LXN: variants seen among roughly 807,000 people sequenced by gnomAD.
LXN encodes the protein latexin, also known as MUM.
Under a neutral mutation model 29.8 loss-of-function variants are expected in LXN, and 28 were observed. That is an observed-to-expected ratio of 0.94 (90% confidence interval 0.70 to 1.29). LXN has a LOEUF of 1.29. Among genes scored for constraint, LXN ranks in the 50% most tolerant of loss-of-function variants. The pLI is 0.00. For synonymous variants in LXN, 77 were observed against 89.6 expected (o/e 0.86, Z 0.80); for missense variants, 227 against 261.7 (o/e 0.87, Z 0.92).
rs139290117 is a variant in LXN, at chr3:158,668,249, C to A, written c.507+747G>T. On this transcript the variant is annotated intron_variant, in intron 4 of 5. Coordinates refer to ENST00000264265, the MANE Select transcript of LXN (RefSeq NM_020169.4). The stretch of plus-strand genomic sequence containing the variant: ...TAACCTATGCATACCTTCTCATATA[C>A]TTTAAATCATCTCTAGATTACTTAT... Among the ~76,000 whole-genome samples the A allele has an allele frequency of 9.4e-3, 1,427 of 152,252 alleles. 13 individuals carry two copies. Among genetic ancestry groups the A allele is most frequent in the Non-Finnish European group, 0.016 (1,084 of 68,020 alleles).
At position 158,672,399 on chromosome 3, in the gene LXN, G is replaced by A. The variant is rs371457216; in HGVS notation, c.80C>T (p.Thr27Ile). The change falls in exon 1 of 6, where the codon ACC (threonine) becomes ATC (isoleucine). Residue 27 changes from threonine (T) to isoleucine (I), a missense_variant. Thr to Ile is a moderately conservative substitution (Grantham distance 89, BLOSUM62 -1). Transcript: ENST00000264265. ...AQNYINYQQG[T>I]PHRVFEVQKV... ...CTGCACCTCAAACACCCTGTGCGGGGTCCCCTGCTGGTAGTTGATGTAGTT... is the reference window on the plus strand; with the variant it reads ...CTGCACCTCAAACACCCTGTGCGGGATCCCCTGCTGGTAGTTGATGTAGTT... 4.0e-5 allele frequency: 64 copies of A among 1,613,964 alleles called. No individual in the cohort carries two copies. The African/African-American group carries it at 6.5e-4, about 16-fold the overall frequency.
chr3:158,668,941 A>G (rs751215871), intron 4 of LXN, 55 bp downstream of exon 4: 38 of 1,441,030 alleles, frequency 2.6e-5, no homozygotes, highest in Non-Finnish European at 7.6e-6. Context: ...ATGAATTACA[A>G]TACTTTCGAT....
chr3:158,670,256 T>G (rs557085710), intron 2 of LXN, among the ~76,000 whole-genome samples: 1 of 152,318 alleles, frequency 6.6e-6, no homozygotes, highest in Non-Finnish European at 1.5e-5. Context: ...CCCTTCCCCA[T>G]TACTGAAAGA....
Position 158,672,409 on chromosome 3 carries a change from G to A in LXN, c.70C>T (p.Gln24Ter). ...AACACCCTGTGCGGGGTCCCCTGCT[G>A]GTAGTTGATGTAGTTCTGTGCCACC... ...ALVAQNYINY[Q>*]QGTPHRVFEV... Residue 24 changes from glutamine (Q) to a stop codon, truncating the protein, a stop_gained, in exon 1 of 6, where the codon CAG becomes TAG. Coordinates refer to ENST00000264265, the MANE Select transcript of LXN (RefSeq NM_020169.4). LOFTEE classifies it high-confidence loss of function. 6.2e-7 allele frequency: 1 copy of A among 1,614,092 alleles called. No homozygotes were observed. Among genetic ancestry groups the A allele is most frequent in the African/African-American group, 1.3e-5 (1 of 75,016 alleles).
rs772926060 is a variant in LXN at position 158,669,488 on chromosome 3, T to C, written c.315A>G (p.Thr105=). The change falls in exon 3 of 6, where the codon ACA becomes ACG. Residue 105 remains threonine, a synonymous_variant. Coordinates refer to ENST00000264265, the MANE Select transcript of LXN (RefSeq NM_020169.4). ...TCATGGACTTAAGTCTTTGATAAAA[T>C]GTGTTGTCTTCTTCATCTGGATTCT... The part of the protein sequence containing the change: ...TGKNPDEEDN[T]FYQRLKSMKE... 6.2e-7 allele frequency: 1 copy of C among 1,613,944 alleles called. No individual in the cohort carries two copies. Among genetic ancestry groups the C allele is most frequent in the Middle Eastern group, 1.7e-4 (1 of 6,058 alleles).
In LXN at chr3:158,672,450, G is replaced by A. The variant is rs145151855; in HGVS notation, c.29C>T (p.Ala10Val). MEIPPTNYP[A>V]SRAALVAQNY... ...CTGTGCCACCAAGGCCGCCCTGGAG[G>A]CTGGGTAGTTGGTCGGCGGGATTTC... Residue 10 changes from alanine (A) to valine (V), a missense_variant, in exon 1 of 6, where the codon GCC (alanine) becomes GTC (valine). Transcript: ENST00000264265. 2.5e-6 allele frequency: 4 copies of A among 1,614,092 alleles called. 1 individual carries two copies. The highest frequency in any genetic ancestry group is 3.4e-6 in the Non-Finnish European group (4 of 1,179,956).
chr3:158,669,485 A>G lies in LXN; in HGVS notation c.318T>C (p.Phe106=). 1 of 1,613,916 alleles carries G rather than the reference A, an allele frequency of 6.2e-7. No individual in the cohort carries two copies. ...CCTTCATGGACTTAAGTCTTTGATAAAATGTGTTGTCTTCTTCATCTGGAT... is the reference window on the plus strand; with the variant it reads ...CCTTCATGGACTTAAGTCTTTGATAGAATGTGTTGTCTTCTTCATCTGGAT... The part of the protein sequence containing the change: ...GKNPDEEDNT[F]YQRLKSMKEP... The change falls in exon 3 of 6, where the codon TTT becomes TTC. Residue 106 remains phenylalanine (F), a synonymous_variant. Transcript: ENST00000264265.
rs1723996578 is a variant in LXN at position 158,669,004 on chromosome 3, T to G, written c.499A>C (p.Lys167Gln). Residue 167 changes from lysine (K) to glutamine (Q), a missense_variant, in exon 4 of 6, where the codon AAG (lysine) becomes CAG (glutamine). Lys to Gln is a moderately conservative substitution (Grantham distance 53, BLOSUM62 1). Transcript: ENST00000264265. The part of the protein sequence containing the change: ...WYKMVKIQTV[K>Q]QVQRNDDFIE... ...TTATAGAAACTACTTACCACTTGCT[T>G]GACAGTTTGAATTTTTACCATTTTA... The G allele has an allele frequency of 4.3e-6, 7 of 1,610,974 alleles. No homozygotes were observed. Among genetic ancestry groups the G allele is most frequent in the Non-Finnish European group, 5.9e-6 (7 of 1,178,676 alleles).
At chr3:158,667,521 C>A (rs531279655) in intron 4 of LXN, among the ~76,000 whole-genome samples, 1 of 152,214 alleles carries the variant, frequency 6.6e-6, no homozygotes, top group African/African-American at 2.4e-5. Context: ...CACAGTGGCT[C>A]ACACCTATAA....
intron 1 of LXN, among the ~76,000 whole-genome samples, chr3:158,671,501 T>G (rs1298078134): frequency 6.6e-6 from 1 of 152,230 alleles, no homozygotes; most frequent in Non-Finnish European, 1.5e-5. Flanking sequence ...ACTTATACAT[T>G]AGTGAAACTG....
rs149695048 is a variant in LXN at position 158,669,002 on chromosome 3, C to T, written c.501G>A (p.Lys167=). 1,184 of 1,610,316 alleles carry T rather than the reference C, an allele frequency of 7.4e-4. 12 individuals carry two copies. In the African/African-American group the frequency reaches 0.012, roughly 17 times the overall value. ...WYKMVKIQTV[K]QVQRNDDFIE... Reference sequence around the variant, plus strand: ...TTTTATAGAAACTACTTACCACTTGCTTGACAGTTTGAATTTTTACCATTT... The same window carrying T: ...TTTTATAGAAACTACTTACCACTTGTTTGACAGTTTGAATTTTTACCATTT... Residue 167 remains lysine, a synonymous_variant, in exon 4 of 6, where the codon AAG becomes AAA. Transcript: ENST00000264265.
In LXN at chr3:158,672,455, G is replaced by T; in HGVS notation, c.24C>A (p.Tyr8Ter). 6.2e-7 allele frequency: 1 copy of T among 1,614,118 alleles called. No individual in the cohort carries two copies. The highest frequency in any genetic ancestry group is 8.5e-7 in the Non-Finnish European group (1 of 1,179,972). The change falls in exon 1 of 6, where the codon TAC (tyrosine) becomes TAA (stop). Residue 8 changes from tyrosine to a stop codon, truncating the protein, a stop_gained. Coordinates refer to ENST00000264265, the MANE Select transcript of LXN (RefSeq NM_020169.4). LOFTEE classifies it high-confidence loss of function. MEIPPTN[Y>*]PASRAALVAQ... ...CCACCAAGGCCGCCCTGGAGGCTGG[G>T]TAGTTGGTCGGCGGGATTTCCATTC...
At chr3:158,669,181 T>G in intron 3 of LXN, 49 bp from the exon 4 acceptor site, 1 of 1,509,014 alleles carries the variant, frequency 6.6e-7, no homozygotes, top group Non-Finnish European at 9.0e-7. Flanking sequence ...GTATTAACCT[T>G]TTAAAACAAA....
intron 1 of LXN, 27 bp downstream of exon 1, chr3:158,672,323 C>T: frequency 1.2e-6 from 2 of 1,611,814 alleles, no homozygotes. Flanking sequence ...GAAGCCTCTG[C>T]TGTCCACCAC....
intron 4 of LXN, 80 bp downstream of exon 4, chr3:158,668,916 A>T: frequency 7.9e-7 from 1 of 1,268,904 alleles, no homozygotes; most frequent in Non-Finnish European, 1.1e-6. Context: ...CTATAGGAAT[A>T]CTGTTAATCC....
intron 2 of LXN, 44 bp downstream of exon 2, chr3:158,670,913 A>T (rs552135174): frequency 1.4e-6 from 2 of 1,463,004 alleles, no homozygotes; most frequent in Middle Eastern, 2.5e-4. Context: ...AGCCTGGGTG[A>T]TAGAGTGAGA....
rs1385576786 is a variant in LXN, at chr3:158,670,957, T to C, written c.192A>G (p.Lys64=). 1.3e-6 allele frequency: 2 copies of C among 1,528,734 alleles called. No individual in the cohort carries two copies. Among genetic ancestry groups the C allele is most frequent in the East Asian group, 4.9e-5 (2 of 41,092 alleles). The allele number at this position is 1,528,734 out of a possible 1,614,324, so 94.7% of individuals were successfully genotyped here. A position where few individuals can be genotyped will look rare whatever the true frequency, so the allele number is the denominator to read the frequency against. Reference sequence around the variant, plus strand: ...CAAAGAAAAAAGAAATTTAACTTACTTTTTGTATAATTTCTTCAACAGCAA... The same window carrying C: ...CAAAGAAAAAAGAAATTTAACTTACCTTTTGTATAATTTCTTCAACAGCAA... ...LKFAVEEIIQ[K]QVKVNCTAEV... The change falls in exon 2 of 6, where the codon AAA becomes AAG. Residue 64 remains lysine (K), a splice_region_variant and synonymous_variant. Coordinates refer to ENST00000264265, the MANE Select transcript of LXN (RefSeq NM_020169.4).
At chr3:158,671,153 AG>A in intron 1 of LXN, 134 bp from the exon 2 acceptor site, 1 of 1,203,858 alleles carries the variant, frequency 8.3e-7, no homozygotes, top group Non-Finnish European at 1.1e-6. Flanking sequence ...GTCTTGAAAA[AG>A]GCATGTCACC....
chr3:158,666,928 G>A (rs908641282), intron 5 of LXN, 84 bp downstream of exon 5: 1 of 1,529,446 alleles, frequency 6.5e-7, no homozygotes, highest in African/African-American at 1.4e-5. Context: ...CTGATTTAGA[G>A]TCAAAATTAA....
Sources: allele counts gnomAD v4.1 joint callset (sites outside exome capture counted in the v4.1 genomes callset), GRCh38; gene constraint gnomAD v4.1.1; transcripts MANE v1.5; gene names NCBI Gene and HGNC (gene_info 2026-07-23, HGNC 2026-07-21).